Variants in ZNF169 observed in about 807,000 individuals in gnomAD.
ZNF169 encodes the protein zinc finger protein 169.
ZNF169 carries 11 observed loss-of-function variants against 12.0 expected under a neutral mutation model. The observed-to-expected ratio is 0.92, with a 90% CI of 0.58 to 1.52. The LOEUF (loss-of-function observed/expected upper bound fraction) is 1.52. ZNF169 is among the 40% of genes most tolerant of loss of function. The pLI is 0.00. For synonymous variants in ZNF169, 302 were observed against 286.5 expected (o/e 1.05, Z -0.55); for missense variants, 722 against 744.0 (o/e 0.97, Z 0.34).
intron 2 of ZNF169, among the ~76,000 whole-genome samples, chr9:94,283,887 G>T (rs1260543322): frequency 6.6e-6 from 1 of 151,438 alleles, no homozygotes; most frequent in East Asian, 1.9e-4. Context: ...TGACCAATAG[G>T]CTGAAACCCC....
intron 1 of ZNF169, among the ~76,000 whole-genome samples, chr9:94,275,414 C>T (rs1830501763): frequency 6.6e-6 from 1 of 152,120 alleles, no homozygotes; most frequent in South Asian, 2.1e-4. Flanking sequence ...ATTTTGTGTA[C>T]ACCTATAAAG....
intron 2 of ZNF169, 53 bp downstream of exon 2, chr9:94,278,898 C>G (rs1340135312): frequency 9.4e-6 from 15 of 1,597,364 alleles, no homozygotes; most frequent in Non-Finnish European, 1.2e-5. Flanking sequence ...ATAATCTTTT[C>G]TTGTCCTGAA....
In ZNF169 at chr9:94,300,927, C is replaced by T; in HGVS notation, c.1369C>T (p.Pro457Ser). 1 of 1,613,970 alleles carries T rather than the reference C, an allele frequency of 6.2e-7. No homozygotes were observed. Among genetic ancestry groups the T allele is most frequent in the South Asian group, 1.1e-5 (1 of 91,070 alleles). The change falls in exon 5 of 5, where the codon CCC (proline) becomes TCC (serine). Residue 457 changes from proline to serine, a missense_variant. By Grantham distance (74) the Pro-to-Ser change is moderately conservative. Transcript: ENST00000395395. ...GHQRTHTGEK[P>S]YLCPDCGRGF... ...CCAGAGGACACACACAGGGGAGAAG[C>T]CCTACCTGTGCCCTGATTGTGGGCG...
chr9:94,296,763 T>C (rs906436354), intron 4 of ZNF169: 1 of 456,910 alleles, frequency 2.2e-6, no homozygotes. Flanking sequence ...TACTGTAGCT[T>C]TATTAGGTCT....
At chr9:94,271,615 G>A (rs1022404457) in intron 1 of ZNF169, among the ~76,000 whole-genome samples, 1 of 151,108 alleles carries the variant, frequency 6.6e-6, no homozygotes, top group African/African-American at 2.4e-5. Context: ...AGCTACTTGG[G>A]AGGCTGAGGT....
intron 1 of ZNF169, among the ~76,000 whole-genome samples, chr9:94,276,692 T>A (rs931369802): frequency 3.9e-5 from 6 of 152,210 alleles, no homozygotes; most frequent in Admixed American, 1.3e-4. Context: ...CCAGGCCGAT[T>A]GGTGTCTCTT....
chr9:94,259,744 C>T (rs1284203798), intron 1 of ZNF169, among the ~76,000 whole-genome samples: 1 of 152,114 alleles, frequency 6.6e-6, no homozygotes, highest in African/African-American at 2.4e-5. Flanking sequence ...TCCCGCCATC[C>T]CCTCCCCACC....
intron 1 of ZNF169, among the ~76,000 whole-genome samples, chr9:94,272,729 C>T (rs1037891733): frequency 6.6e-6 from 1 of 152,008 alleles, no homozygotes; most frequent in Non-Finnish European, 1.5e-5. Flanking sequence ...GATATGTATC[C>T]AGAAGTTGGA....
chr9:94,277,857 G>A (rs1194599972), intron 1 of ZNF169, among the ~76,000 whole-genome samples: 10 of 151,436 alleles, frequency 6.6e-5, no homozygotes, highest in African/African-American at 1.9e-4. Flanking sequence ...GCGTGAACCC[G>A]GGAGGCGGAG....
intron 4 of ZNF169, among the ~76,000 whole-genome samples, chr9:94,298,314 T>G (rs760803285): frequency 2.6e-5 from 4 of 152,220 alleles, no homozygotes; most frequent in Admixed American, 6.5e-5. Flanking sequence ...CTTTGCTTAT[T>G]CACTACAGCA....
intron 1 of ZNF169, among the ~76,000 whole-genome samples, chr9:94,264,715 G>T (rs772584430): frequency 6.6e-6 from 1 of 152,164 alleles, no homozygotes; most frequent in Non-Finnish European, 1.5e-5. Flanking sequence ...TTTAAGTAAT[G>T]TATATTGTTG....
chr9:94,280,268 G>A (rs1171511923), intron 2 of ZNF169, among the ~76,000 whole-genome samples: 8 of 152,202 alleles, frequency 5.3e-5, no homozygotes, highest in African/African-American at 1.9e-4. Flanking sequence ...GAGAGAAAAT[G>A]TGTATGTAGC....
intron 1 of ZNF169, among the ~76,000 whole-genome samples, chr9:94,269,843 C>T (rs1458028852): frequency 1.3e-5 from 2 of 152,122 alleles, no homozygotes; most frequent in Non-Finnish European, 2.9e-5. Flanking sequence ...TAACTAAGGT[C>T]TGAGTCCTGA....
At chr9:94,284,146 C>T (rs539544085) in intron 2 of ZNF169, among the ~76,000 whole-genome samples, 30 of 149,974 alleles carry the variant, frequency 2.0e-4, no homozygotes, top group African/African-American at 4.9e-4. Flanking sequence ...TCCCAAGGGT[C>T]GGGCGCAGTG....
intron 1 of ZNF169, among the ~76,000 whole-genome samples, chr9:94,274,010 T>C (rs967904037): frequency 6.6e-6 from 1 of 152,226 alleles, no homozygotes; most frequent in African/African-American, 2.4e-5. Flanking sequence ...TTCTGGAAGA[T>C]AGAAGTCCAA....
chr9:94,291,047 C>CT (rs59027045), intron 2 of ZNF169, among the ~76,000 whole-genome samples: 733 of 59,494 alleles, frequency 0.012, 5 homozygotes, highest in African/African-American at 0.026. Context: ...GAACAGTATT[C>CT]TTTTTTTTTT....
chr9:94,285,054 G>A (rs1830698225), intron 2 of ZNF169, among the ~76,000 whole-genome samples: 1 of 152,074 alleles, frequency 6.6e-6, no homozygotes. Context: ...CAGTGGAATA[G>A]AATTGGCAGT....
At chr9:94,288,168 T>A in intron 2 of ZNF169, 1 of 815,616 alleles carries the variant, frequency 1.2e-6, no homozygotes, top group Non-Finnish European at 2.2e-6. Flanking sequence ...AAAATCCATG[T>A]CTCAGCCCAG....
chr9:94,260,079 T>G (rs1052607813), intron 1 of ZNF169, among the ~76,000 whole-genome samples: 5 of 150,590 alleles, frequency 3.3e-5, no homozygotes, highest in African/African-American at 1.2e-4. Context: ...GCCCGGCTAA[T>G]TTTTTGGTTT....
Sources: allele counts gnomAD v4.1 joint callset (sites outside exome capture counted in the v4.1 genomes callset), GRCh38; gene constraint gnomAD v4.1.1; transcripts MANE v1.5; gene names NCBI Gene and HGNC (gene_info 2026-07-23, HGNC 2026-07-21).